The following TXNRD3 variants were observed in gnomAD, a reference collection of about 807,000 sequenced individuals.
TXNRD3 encodes the protein thioredoxin reductase 3.
Under a neutral mutation model 78.2 loss-of-function variants are expected in TXNRD3, and 68 were observed. The observed-to-expected ratio is 0.87, with a 90% CI of 0.72 to 1.06. TXNRD3 has a LOEUF of 1.06. TXNRD3 is among the 50% of genes least tolerant of loss of function. The pLI, the probability that TXNRD3 is intolerant of heterozygous loss-of-function variation, is 0.00. For synonymous variants in TXNRD3, 296 were observed against 300.1 expected (o/e 0.99, Z 0.14); for missense variants, 751 against 809.5 (o/e 0.93, Z 0.88).
chr3:126,650,657 C>A (rs1933367634), intron 1 of TXNRD3, among the ~76,000 whole-genome samples: 2 of 151,784 alleles, frequency 1.3e-5, no homozygotes, highest in Admixed American at 1.3e-4. Context: ...AAAAAAAAGA[C>A]CTCCCTAAAT....
chr3:126,645,532 C>A (rs1050727262), intron 3 of TXNRD3, among the ~76,000 whole-genome samples: 2 of 152,156 alleles, frequency 1.3e-5, no homozygotes, highest in African/African-American at 4.8e-5. Context: ...GTCTCAAATA[C>A]AACTATTTAA....
At chr3:126,643,960 C>T (rs373607888) in intron 5 of TXNRD3, 21 bp downstream of exon 5, 7 of 1,532,252 alleles carry the variant, frequency 4.6e-6, no homozygotes, top group South Asian at 1.2e-5. Context: ...CAGAGAGGAA[C>T]AACAGAGAAA....
At chr3:126,634,926 C>T (rs528874519) in intron 6 of TXNRD3, among the ~76,000 whole-genome samples, 2 of 152,310 alleles carry the variant, frequency 1.3e-5, no homozygotes, top group East Asian at 3.9e-4. Context: ...CTGGAGGGGA[C>T]AGTCAGTGCA....
intron 7 of TXNRD3, among the ~76,000 whole-genome samples, 157 bp downstream of exon 7, chr3:126,633,749 AAAC>A (rs1353208073): frequency 6.6e-6 from 1 of 152,226 alleles, no homozygotes; most frequent in Non-Finnish European, 1.5e-5. Context: ...TAGAATTAGC[AAAC>A]AATAGGGGAG....
chr3:126,654,655 G>T, intron 1 of TXNRD3, 93 bp downstream of exon 1: 1 of 809,380 alleles, frequency 1.2e-6, no homozygotes. Context: ...CCCGGGACCC[G>T]CGGGCGCCCC....
intron 12 of TXNRD3, among the ~76,000 whole-genome samples, chr3:126,616,426 T>A (rs997815204): frequency 5.9e-5 from 9 of 152,176 alleles, no homozygotes; most frequent in African/African-American, 2.2e-4. Flanking sequence ...ATCTACAGAA[T>A]GGCAGAAAAA....
intron 6 of TXNRD3, 116 bp from the exon 7 acceptor site, chr3:126,634,167 T>C: frequency 1.1e-6 from 1 of 883,126 alleles, no homozygotes; most frequent in Non-Finnish European, 1.5e-6. Flanking sequence ...AAGTAGACAA[T>C]CAGTAACTTA....
At chr3:126,621,119 A>C (rs757098910) in intron 12 of TXNRD3, among the ~76,000 whole-genome samples, 1 of 152,174 alleles carries the variant, frequency 6.6e-6, no homozygotes, top group Non-Finnish European at 1.5e-5. Context: ...CGCTTCCTCA[A>C]TTTTGAATTA....
At chr3:126,637,932 C>CTCTTTTTTTTTTTTTTTTTT (rs1444254294) in intron 6 of TXNRD3, among the ~76,000 whole-genome samples, 3 of 60,190 alleles carry the variant, frequency 5.0e-5, no homozygotes, top group Non-Finnish European at 5.7e-5. Flanking sequence ...ATTTCTCTCT[C>CTCTTTTTTTTTTTTTTTTTT]TTTTTTTTTT....
At chr3:126,647,690 C>T (rs1559780187) in intron 1 of TXNRD3, among the ~76,000 whole-genome samples, 1 of 152,110 alleles carries the variant, frequency 6.6e-6, no homozygotes. Context: ...ACAAATTAGC[C>T]AGGCATGGTG....
intron 1 of TXNRD3, among the ~76,000 whole-genome samples, chr3:126,650,455 A>G (rs544344933): frequency 6.6e-6 from 1 of 152,314 alleles, no homozygotes; most frequent in South Asian, 2.1e-4. Flanking sequence ...AGCCTGGGCA[A>G]CATGGTGAAA....
chr3:126,635,434 G>A (rs1355293627), intron 6 of TXNRD3, among the ~76,000 whole-genome samples: 1 of 152,116 alleles, frequency 6.6e-6, no homozygotes, highest in Non-Finnish European at 1.5e-5. Context: ...CAATGAACTG[G>A]CACTTTGAAA....
chr3:126,646,226 G>A lies in TXNRD3; in HGVS notation c.305-6C>T. The A allele has an allele frequency of 2.0e-6, 3 of 1,503,802 alleles. No individual in the cohort carries two copies. Among genetic ancestry groups the A allele is most frequent in the Non-Finnish European group, 8.8e-7 (1 of 1,138,268 alleles). 93.2% of individuals were successfully genotyped at this position (1,503,802 alleles called of 1,614,324 possible). A position where few individuals can be genotyped will look rare whatever the true frequency, so the allele number is the denominator to read the frequency against. ...TTGAACCCTGGCCCCATCATCTAAA[G>A]AAGAAAAAAACTATATATAAAAACA... On this transcript the variant is annotated splice_polypyrimidine_tract_variant and splice_region_variant and intron_variant, in intron 2 of 15. Transcript: ENST00000524230.
chr3:126,643,836 G>T, intron 5 of TXNRD3, 145 bp downstream of exon 5: 1 of 680,498 alleles, frequency 1.5e-6, no homozygotes, highest in South Asian at 3.5e-5. Flanking sequence ...ATGAGCCTCT[G>T]GGCCAGGCCT....
chr3:126,651,259 G>A (rs1212868099), intron 1 of TXNRD3, among the ~76,000 whole-genome samples: 1 of 152,154 alleles, frequency 6.6e-6, no homozygotes, highest in African/African-American at 2.4e-5. Context: ...AACACTTGGC[G>A]AAAGTACGGG....
At chr3:126,611,831 G>A (rs1576279228) in intron 13 of TXNRD3, among the ~76,000 whole-genome samples, 2 of 152,076 alleles carry the variant, frequency 1.3e-5, no homozygotes, top group East Asian at 3.9e-4. Context: ...AATCCACGAT[G>A]GATGGATTTA....
At chr3:126,649,413 C>T (rs1328194110) in intron 1 of TXNRD3, among the ~76,000 whole-genome samples, 1 of 152,126 alleles carries the variant, frequency 6.6e-6, no homozygotes, top group East Asian at 1.9e-4. Context: ...AATAGTGTTG[C>T]CACTATGGAA....
Position 126,642,119 on chromosome 3 carries a change from T to C in TXNRD3, c.625A>G (p.Ile209Val). ...GCCTGATGCATCAATTTCTTAGGAA[T>C]ACAACCTACATTTACACAAGTGCCA... Residue 209 changes from isoleucine to valine, a missense_variant, in exon 6 of 16, where the codon ATT becomes GTT. By Grantham distance (29) the Ile-to-Val change is conservative. Transcript: ENST00000524230. 1 of 1,536,276 alleles carries C rather than the reference T, an allele frequency of 6.5e-7. No homozygotes were observed. Among genetic ancestry groups the C allele is most frequent in the Non-Finnish European group, 8.7e-7 (1 of 1,146,906 alleles).
intron 10 of TXNRD3, 46 bp from the exon 11 acceptor site, chr3:126,622,586 A>G: frequency 7.1e-7 from 1 of 1,404,750 alleles, no homozygotes; most frequent in Non-Finnish European, 9.7e-7. Flanking sequence ...CATATCGGGA[A>G]TGAAAGAAGG....
Sources: allele counts gnomAD v4.1 joint callset (sites outside exome capture counted in the v4.1 genomes callset), GRCh38; gene constraint gnomAD v4.1.1; transcripts MANE v1.5; gene names NCBI Gene and HGNC (gene_info 2026-07-23, HGNC 2026-07-21).